SENP2: variants seen among roughly 807,000 people sequenced by gnomAD.
SENP2 encodes sentrin-specific protease 2.
Under a neutral mutation model 86.3 loss-of-function variants are expected in SENP2, and 16 were observed. That is an observed-to-expected ratio of 0.19 (90% CI 0.13 to 0.28). The LOEUF (loss-of-function observed/expected upper bound fraction) is 0.28. Ranked by LOEUF, SENP2 falls within the 10% of genes least tolerant of loss-of-function variation. The probability of loss-of-function intolerance (pLI) is 1.00; values close to 1 mark genes in which losing one functional copy is unlikely to be tolerated. For missense variants in SENP2, 552 were observed against 703.0 expected, an observed-to-expected ratio of 0.79 and a Z score of 2.43; for synonymous variants, 222 against 238.7, an observed-to-expected ratio of 0.93 and a Z score of 0.64.
intron 12 of SENP2, among the ~76,000 whole-genome samples, chr3:185,618,852 C>T (rs4569690): frequency 0.38 from 57,840 of 152,004 alleles, 11,226 homozygotes; most frequent in South Asian, 0.56. Context: ...GGACTCCAGC[C>T]TGGGCGACAG....
rs910343409 is a variant in SENP2 at position 185,588,239 on chromosome 3, A to G, written c.101+1725A>G. On this transcript the variant is annotated intron_variant, in intron 1 of 16. Coordinates refer to ENST00000296257, the MANE Select transcript of SENP2 (RefSeq NM_021627.3). ...CGCCCAGCTAATTTTTTGTATTTTT[A>G]GTAGAGACGGGGTTTCACCGTGGTC... Among the ~76,000 whole-genome samples the G allele has an allele frequency of 7.4e-5, 11 of 149,462 alleles. No homozygotes were observed. The East Asian group carries it at 1.2e-3, about 16-fold the overall frequency.
At chr3:185,623,943 T>G (rs1712016496) in intron 14 of SENP2, 55 bp from the exon 15 acceptor site, 2 of 1,026,926 alleles carry the variant, frequency 1.9e-6, no homozygotes, top group Non-Finnish European at 3.0e-6. Flanking sequence ...GTAACCATAA[T>G]GGTTAATTTC....
At position 185,630,066 on chromosome 3, in the gene SENP2, G is replaced by A; in HGVS notation, c.*222G>A. Reference sequence around the variant, plus strand: ...AAGGCTGTGCCTGCTCAGAGCTTTGGACTGTTCAACCCACACAAGAACAAA... The same window carrying A: ...AAGGCTGTGCCTGCTCAGAGCTTTGAACTGTTCAACCCACACAAGAACAAA... On this transcript the variant is annotated 3_prime_UTR_variant, in exon 17 of 17. Transcript: ENST00000296257. 2.0e-6 allele frequency: 1 copy of A among 511,984 alleles called. No homozygotes were observed. Among genetic ancestry groups the A allele is most frequent in the Non-Finnish European group, 3.5e-6 (1 of 282,066 alleles). 31.7% of individuals were successfully genotyped at this position (511,984 alleles called of 1,614,324 possible).
At chr3:185,627,733 C>T (rs1438657940) in intron 16 of SENP2, among the ~76,000 whole-genome samples, 1 of 152,090 alleles carries the variant, frequency 6.6e-6, no homozygotes, top group Admixed American at 6.5e-5. Flanking sequence ...TTGTTTAATT[C>T]TCCATGGCTT....
At position 185,590,128 on chromosome 3, in the gene SENP2, C is replaced by T; in HGVS notation, c.116C>T (p.Thr39Ile). ...RRRSDSTLFS[T>I]VDTDEIPAKR... ...CTCTTTTTCAGCACTCTGTTTTCTA[C>T]AGTGGACACTGATGAAATACCAGCC... Residue 39 changes from threonine to isoleucine, a missense_variant, in exon 2 of 17, where the codon ACA becomes ATA. Thr to Ile is a moderately conservative substitution (Grantham distance 89). This residue lies in a region of SENP2 where 383 missense variants were observed against 427.3 expected (regional missense o/e 0.90). Coordinates refer to ENST00000296257, the MANE Select transcript of SENP2 (RefSeq NM_021627.3). The T allele has an allele frequency of 6.5e-7, 1 of 1,534,306 alleles. No homozygotes were observed.
At chr3:185,609,608 T>G (rs1183289680) in intron 7 of SENP2, among the ~76,000 whole-genome samples, 1 of 152,108 alleles carries the variant, frequency 6.6e-6, no homozygotes, top group Non-Finnish European at 1.5e-5. Flanking sequence ...AGTGGATCAC[T>G]GGTTGAAGTA....
rs369236428 is a variant in SENP2 at position 185,632,213 on chromosome 3, G to GTTTTT, written c.*2375_*2379dup. The GTTTTT allele has an allele frequency of 1.8e-4, 23 of 125,320 alleles. No homozygotes were observed. The highest frequency in any genetic ancestry group is 3.1e-4 in the Non-Finnish European group (19 of 60,736). 7.8% of individuals were successfully genotyped at this position (125,320 alleles called of 1,614,324 possible). A position where few individuals can be genotyped will look rare whatever the true frequency, so the allele number is the denominator to read the frequency against. ...CAAATTATCACCATTAAAGCCAGTG[G>GTTTTT]TTTTTTTTTTGTTTTTTTTTTTTGT... On this transcript the variant is annotated 3_prime_UTR_variant, in exon 17 of 17. Transcript: ENST00000296257.
chr3:185,599,249 T>C (rs943450912), intron 4 of SENP2, among the ~76,000 whole-genome samples: 1 of 152,090 alleles, frequency 6.6e-6, no homozygotes, highest in Non-Finnish European at 1.5e-5. Flanking sequence ...TAGATCAAGG[T>C]CATATTAAAA....
intron 9 of SENP2, 144 bp downstream of exon 9, chr3:185,612,802 C>A (rs372704421): frequency 8.5e-6 from 5 of 586,080 alleles, no homozygotes; most frequent in African/African-American, 7.5e-5. Flanking sequence ...AGATAGGTAG[C>A]TAGCTGTTGT....
intron 5 of SENP2, among the ~76,000 whole-genome samples, chr3:185,601,481 G>C (rs1320625906): frequency 2.6e-5 from 4 of 152,136 alleles, no homozygotes; most frequent in African/African-American, 9.6e-5. Flanking sequence ...AAGTGTACGT[G>C]GCCTGGTTAA....
At chr3:185,590,944 T>TCA (rs1360441383) in intron 2 of SENP2, among the ~76,000 whole-genome samples, 9 of 73,900 alleles carry the variant, frequency 1.2e-4, no homozygotes, top group African/African-American at 4.7e-4. Context: ...TCTTGCTCTG[T>TCA]CGCAGGCTGG....
At position 185,621,912 on chromosome 3, in the gene SENP2, A is replaced by G; in HGVS notation, c.1526+7A>G. 2 of 1,598,582 alleles carry G rather than the reference A, an allele frequency of 1.3e-6. No homozygotes were observed. The highest frequency in any genetic ancestry group is 1.7e-6 in the Non-Finnish European group (2 of 1,167,172). ...GGATCTGTGAGATTCTCCTGTAAGT[A>G]AAGGTTGAAAACCTCACTACCCCCT... On this transcript the variant is annotated splice_region_variant and intron_variant, in intron 14 of 16. Transcript: ENST00000296257.
At chr3:185,626,478 A>C in intron 16 of SENP2, 85 bp downstream of exon 16, 1 of 906,810 alleles carries the variant, frequency 1.1e-6, no homozygotes. Context: ...TTCAGCTCTC[A>C]ATAGTAGTAG....
chr3:185,607,307 T>G (rs1722547733), intron 6 of SENP2, among the ~76,000 whole-genome samples: 1 of 145,520 alleles, frequency 6.9e-6, no homozygotes, highest in South Asian at 2.2e-4. Flanking sequence ...TAGGAAGAGA[T>G]AAGATTAGAT....
At chr3:185,625,994 G>T (rs1339856282) in intron 15 of SENP2, among the ~76,000 whole-genome samples, 2 of 152,120 alleles carry the variant, frequency 1.3e-5, no homozygotes, top group Non-Finnish European at 2.9e-5. Context: ...CCAATCAAAT[G>T]CAGAGCCATG....
At chr3:185,600,897 AT>A in intron 5 of SENP2, 42 bp downstream of exon 5, 2 of 1,350,738 alleles carry the variant, frequency 1.5e-6, no homozygotes, top group Non-Finnish European at 2.1e-6. Context: ...CTTAGCATTT[AT>A]TAGGTGCTCA....
At chr3:185,602,644 C>T (rs994585859) in intron 5 of SENP2, among the ~76,000 whole-genome samples, 8 of 151,586 alleles carry the variant, frequency 5.3e-5, no homozygotes, top group African/African-American at 1.7e-4. Context: ...GCAGCCTGGC[C>T]AACATGGCGA....
Position 185,619,477 on chromosome 3 carries a change from A to G in SENP2, c.1421A>G (p.His474Arg). ...FEQEIILVPIHRKVHWSLVVI... is the reference protein window; with the variant it reads ...FEQEIILVPIRRKVHWSLVVI... ...CAAGAAATTATTCTGGTGCCTATTCATCGGAAGGTACATTGGAGCCTGGTG... is the reference window on the plus strand; with the variant it reads ...CAAGAAATTATTCTGGTGCCTATTCGTCGGAAGGTACATTGGAGCCTGGTG... The change falls in exon 13 of 17, where the codon CAT (histidine) becomes CGT (arginine). Residue 474 changes from histidine to arginine, a missense_variant. Physicochemically the swap from His to Arg is conservative, Grantham distance 29. Coordinates refer to ENST00000296257, the MANE Select transcript of SENP2 (RefSeq NM_021627.3). 1.2e-6 allele frequency: 2 copies of G among 1,614,128 alleles called. No individual in the cohort carries two copies. Among genetic ancestry groups the G allele is most frequent in the Non-Finnish European group, 1.7e-6 (2 of 1,180,008 alleles).
Position 185,617,564 on chromosome 3 carries a change from C to G in SENP2, c.1195C>G (p.Arg399Gly). The change falls in exon 12 of 17, where the codon CGA becomes GGA. Residue 399 changes from arginine (R) to glycine (G), a missense_variant. Physicochemically the swap from Arg to Gly is moderately radical, Grantham distance 125. Transcript: ENST00000296257. ...LSSAFKLRIT[R>G]GDIQTLKNYH... ...TAGTGCTTTCAAATTGCGAATTACT[C>G]GAGGAGATATTCAGACATTAAAGAA... 6.2e-7 allele frequency: 1 copy of G among 1,613,656 alleles called. No homozygotes were observed. Among genetic ancestry groups the G allele is most frequent in the Non-Finnish European group, 8.5e-7 (1 of 1,179,716 alleles).
Sources: gnomAD v4.1 joint callset for allele counts (sites outside exome capture counted in the v4.1 genomes callset) on GRCh38, gnomAD v4.1.1 for gene constraint, gnomAD v4.1.1 regional missense constraint, MANE v1.5 for transcripts, NCBI Gene and HGNC (gene_info 2026-07-23, HGNC 2026-07-21) for gene names.